CFAP299: variants seen among roughly 807,000 people sequenced by gnomAD.
CFAP299 encodes the protein cilia- and flagella-associated protein 299.
A neutral mutation model predicts 27.0 loss-of-function variants in CFAP299; 21 were observed. The observed-to-expected ratio is 0.78, with a 90% confidence interval of 0.55 to 1.12. The LOEUF (loss-of-function observed/expected upper bound fraction) is 1.12, where lower values mean the gene tolerates loss of function less well. Among genes scored for constraint, CFAP299 ranks in the 50% most tolerant of loss-of-function variants. The probability of loss-of-function intolerance (pLI) is 0.00; values close to 1 mark genes in which losing one functional copy is unlikely to be tolerated. For missense variants in CFAP299, 310 were observed against 276.6 expected (o/e 1.12, Z -0.86); for synonymous variants, 104 against 98.1 (o/e 1.06, Z -0.36).
intron 1 of CFAP299, among the ~76,000 whole-genome samples, chr4:80,357,139 T>C (rs1410819261): frequency 1.3e-5 from 2 of 152,212 alleles, no homozygotes; most frequent in Non-Finnish European, 2.9e-5. Flanking sequence ...ATGAATTATG[T>C]TTATTGATTT....
intron 4 of CFAP299, among the ~76,000 whole-genome samples, chr4:80,895,031 A>G (rs1488541870): frequency 6.6e-6 from 1 of 151,974 alleles, no homozygotes; most frequent in Non-Finnish European, 1.5e-5. Flanking sequence ...AAATGGGGAA[A>G]TACTGGTCAA....
intron 4 of CFAP299, among the ~76,000 whole-genome samples, chr4:80,910,219 T>C (rs947545015): frequency 2.0e-5 from 3 of 152,154 alleles, no homozygotes; most frequent in African/African-American, 4.8e-5. Context: ...GGAACATTTA[T>C]ACACTGTTGG....
chr4:80,929,053 G>A (rs1473017973), intron 4 of CFAP299, among the ~76,000 whole-genome samples: 1 of 152,104 alleles, frequency 6.6e-6, no homozygotes, highest in East Asian at 1.9e-4. Flanking sequence ...GGTCAGACAT[G>A]CTTGAGAAAA....
chr4:80,878,590 T>C (rs1186774582), intron 4 of CFAP299, among the ~76,000 whole-genome samples: 2 of 152,144 alleles, frequency 1.3e-5, no homozygotes, highest in African/African-American at 4.8e-5. Flanking sequence ...GAAATAACTT[T>C]TGTGTATTTA....
chr4:80,461,350 G>T (rs888688672), intron 2 of CFAP299, among the ~76,000 whole-genome samples: 7 of 152,094 alleles, frequency 4.6e-5, no homozygotes, highest in Non-Finnish European at 7.4e-5. Context: ...ATATGTCAAA[G>T]AAATATATTT....
In CFAP299 at chr4:80,597,004, G is replaced by T. The variant is rs7672233; in HGVS notation, c.333+13821G>T. ...GGACAATGGATTGTCTACAATTTTT[G>T]ACTGCTATAAATAATGGGGTTATGC... On this transcript the variant is annotated intron_variant, in intron 3 of 5. Transcript: ENST00000358105. 6.7e-3 allele frequency among the ~76,000 whole-genome samples: 1,019 copies of T among 151,926 alleles called. 12 individuals carry two copies. The highest frequency in any genetic ancestry group is 0.023 in the African/African-American group (970 of 41,436).
intron 3 of CFAP299, among the ~76,000 whole-genome samples, chr4:80,588,056 T>C (rs567056559): frequency 6.6e-6 from 1 of 151,250 alleles, no homozygotes; most frequent in Non-Finnish European, 1.5e-5. Context: ...GTGGTTTCAG[T>C]TGAAATCTAG....
intron 3 of CFAP299, among the ~76,000 whole-genome samples, chr4:80,674,358 C>G (rs1030626064): frequency 6.6e-6 from 1 of 152,182 alleles, no homozygotes; most frequent in Non-Finnish European, 1.5e-5. Context: ...CCCCCACTCT[C>G]TTCTGGCTTA....
chr4:80,343,220 A>G (rs1395018566), intron 1 of CFAP299, among the ~76,000 whole-genome samples: 1 of 152,232 alleles, frequency 6.6e-6, no homozygotes, highest in African/African-American at 2.4e-5. Flanking sequence ...TTCACACAAT[A>G]ATGGTGAGAG....
At chr4:80,817,868 A>G (rs1208041042) in intron 3 of CFAP299, among the ~76,000 whole-genome samples, 1 of 150,872 alleles carries the variant, frequency 6.6e-6, no homozygotes, top group East Asian at 1.9e-4. Context: ...TCAGAGGTAC[A>G]TGTGCAGGAT....
At position 80,500,884 on chromosome 4, in the gene CFAP299, C is replaced by T. The variant is rs141026842; in HGVS notation, c.243-82209C>T. On this transcript the variant is annotated intron_variant, in intron 2 of 5. Transcript: ENST00000358105. ...CCCTTTTCCCTTCATCAGCTGCCTACGTGCTCAGTGTGGCACTTTAGATTT... is the reference window on the plus strand; with the variant it reads ...CCCTTTTCCCTTCATCAGCTGCCTATGTGCTCAGTGTGGCACTTTAGATTT... Among the ~76,000 whole-genome samples, 10 of 152,184 alleles carry T rather than the reference C, an allele frequency of 6.6e-5. No individual in the cohort carries two copies. The East Asian group carries it at 1.2e-3, about 18-fold the overall frequency.
intron 2 of CFAP299, among the ~76,000 whole-genome samples, chr4:80,478,703 A>G (rs886506886): frequency 2.6e-5 from 4 of 152,064 alleles, no homozygotes; most frequent in Non-Finnish European, 5.9e-5. Context: ...TGTTTCTAAC[A>G]GGAAAGTTTG....
At chr4:80,390,715 A>G (rs1179431864) in intron 2 of CFAP299, among the ~76,000 whole-genome samples, 4 of 145,760 alleles carry the variant, frequency 2.7e-5, no homozygotes, top group Non-Finnish European at 6.0e-5. Flanking sequence ...ATATATGTAT[A>G]CACACATACA....
intron 3 of CFAP299, among the ~76,000 whole-genome samples, chr4:80,788,962 T>C (rs1363127272): frequency 2.0e-5 from 3 of 152,124 alleles, no homozygotes; most frequent in Non-Finnish European, 4.4e-5. Flanking sequence ...AAACATCTAA[T>C]ACTTTCTTCA....
At chr4:80,631,867 C>CCCT in intron 3 of CFAP299, among the ~76,000 whole-genome samples, 1 of 104,052 alleles carries the variant, frequency 9.6e-6, no homozygotes, top group Non-Finnish European at 2.2e-5. Flanking sequence ...GTGCCCCACC[C>CCCT]CCCCCCAACC....
chr4:80,384,907 CATTT>C lies in CFAP299; in HGVS notation c.242+22033_242+22036del, dbSNP rs1260015551. Among the ~76,000 whole-genome samples the C allele has an allele frequency of 2.6e-5, 4 of 151,954 alleles. 1 individual carries two copies. In the South Asian group the frequency reaches 6.2e-4, roughly 24 times the overall value. On this transcript the variant is annotated intron_variant, in intron 2 of 5. Transcript: ENST00000358105. ...TAAAATGTTTTCCCTCTTTATACCC[CATTT>C]ATTTATTTAAATCAACACATTAAAA...
chr4:80,420,088 T>C (rs1486238589), intron 2 of CFAP299: 1 of 413,712 alleles, frequency 2.4e-6, no homozygotes, highest in African/African-American at 2.0e-5. Flanking sequence ...GGTGGCAGAA[T>C]AGATCATGGG....
chr4:80,639,646 G>A (rs75579079), intron 3 of CFAP299: 10,570 of 152,768 alleles, frequency 0.069, 817 homozygotes, highest in African/African-American at 0.19. Flanking sequence ...GACTAGGGGA[G>A]GGAAGAATGC....
intron 2 of CFAP299, among the ~76,000 whole-genome samples, chr4:80,543,824 T>C (rs909581867): frequency 2.0e-5 from 3 of 152,130 alleles, no homozygotes; most frequent in Admixed American, 2.0e-4. Flanking sequence ...AACATGCAAA[T>C]TCAAGAAATT....
Sources: gnomAD v4.1 joint callset for allele counts (sites outside exome capture counted in the v4.1 genomes callset) on GRCh38, gnomAD v4.1.1 for gene constraint, MANE v1.5 for transcripts, NCBI Gene and HGNC (gene_info 2026-07-23, HGNC 2026-07-21) for gene names.